ANKS1B: variants seen among roughly 807,000 people sequenced by gnomAD.
The protein encoded by ANKS1B is ankyrin repeat and sterile alpha motif domain-containing protein 1B.
Under a neutral mutation model 148.3 loss-of-function variants are expected in ANKS1B, and 36 were observed. The observed-to-expected ratio is 0.24, with a 90% CI of 0.19 to 0.32. ANKS1B has a LOEUF of 0.32. Ranked by LOEUF, ANKS1B falls within the 10% of genes least tolerant of loss-of-function variation. The pLI is 1.00. For missense variants in ANKS1B, 1,157 were observed against 1,542.6 expected, an observed-to-expected ratio of 0.75 and a Z score of 4.19; for synonymous variants, 542 against 560.8, an observed-to-expected ratio of 0.97 and a Z score of 0.47.
intron 12 of ANKS1B, among the ~76,000 whole-genome samples, chr12:99,288,879 A>G: frequency 6.6e-6 from 1 of 152,080 alleles, no homozygotes; most frequent in Non-Finnish European, 1.5e-5. Context: ...AAAACAAATA[A>G]CAAAATGGTG....
At chr12:99,403,032 A>G (rs2094445489) in intron 11 of ANKS1B, among the ~76,000 whole-genome samples, 1 of 144,252 alleles carries the variant, frequency 6.9e-6, no homozygotes, top group African/African-American at 2.6e-5. Flanking sequence ...TTGAAATGGT[A>G]TCTCATTGTG....
At chr12:98,880,907 C>A (rs180701449) in intron 17 of ANKS1B, among the ~76,000 whole-genome samples, 26 of 151,994 alleles carry the variant, frequency 1.7e-4, no homozygotes, top group African/African-American at 6.0e-4. Context: ...GAGAAAGACC[C>A]TAATGAAATC....
chr12:99,354,021 T>C (rs1319488539), intron 12 of ANKS1B, among the ~76,000 whole-genome samples: 2 of 152,084 alleles, frequency 1.3e-5, no homozygotes, highest in East Asian at 3.8e-4. Context: ...CTAAGCTTCT[T>C]ATTGGCACAC....
At chr12:98,809,745 G>A (rs2153622542) in intron 19 of ANKS1B, among the ~76,000 whole-genome samples, 1 of 152,256 alleles carries the variant, frequency 6.6e-6, no homozygotes, top group Admixed American at 6.5e-5. Flanking sequence ...CTCACCGACT[G>A]AACGGACCCC....
intron 22 of ANKS1B, among the ~76,000 whole-genome samples, chr12:98,784,193 T>G (rs1033663447): frequency 6.6e-6 from 1 of 152,076 alleles, no homozygotes. Flanking sequence ...GAAATGAGAA[T>G]CAGATCTGGA....
intron 11 of ANKS1B, among the ~76,000 whole-genome samples, chr12:99,405,040 A>T (rs906561027): frequency 1.4e-5 from 2 of 146,180 alleles, no homozygotes. Flanking sequence ...ATCCTAGAAT[A>T]GTATATCCAG....
chr12:98,965,161 T>C (rs1372669521), intron 17 of ANKS1B, among the ~76,000 whole-genome samples: 1 of 152,204 alleles, frequency 6.6e-6, no homozygotes, highest in African/African-American at 2.4e-5. Context: ...ATAATATTTA[T>C]TGAGAGCCAA....
intron 17 of ANKS1B, among the ~76,000 whole-genome samples, chr12:98,928,839 A>G (rs1248928642): frequency 6.6e-6 from 1 of 151,972 alleles, no homozygotes; most frequent in Middle Eastern, 3.2e-3. Flanking sequence ...GGCTAAAATA[A>G]TACTTAATGG....
chr12:99,465,041 A>G (rs1361037738), intron 10 of ANKS1B, among the ~76,000 whole-genome samples: 1 of 152,244 alleles, frequency 6.6e-6, no homozygotes, highest in Non-Finnish European at 1.5e-5. Flanking sequence ...GCAGCCAGAG[A>G]GAAAGGTCGG....
At chr12:99,488,733 T>C (rs562593287) in intron 10 of ANKS1B, among the ~76,000 whole-genome samples, 43 of 152,310 alleles carry the variant, frequency 2.8e-4, no homozygotes, top group Admixed American at 1.4e-3. Flanking sequence ...GCTATTCAAG[T>C]CCCACTTTCT....
At chr12:99,487,107 G>A (rs1788227861) in intron 10 of ANKS1B, among the ~76,000 whole-genome samples, 1 of 152,182 alleles carries the variant, frequency 6.6e-6, no homozygotes, top group Non-Finnish European at 1.5e-5. Context: ...TCTGCTGAAG[G>A]AAACTTCATA....
rs556627755 is a variant in ANKS1B, at chr12:99,901,050, A to G, written c.135-75661T>C. ...GAGCTGATAAGCTGATAAACAGCTA[A>G]CACACAAAATCACTAAATTTTTCTA... On this transcript the variant is annotated intron_variant, in intron 1 of 26. Coordinates refer to ENST00000683438, the MANE Select transcript of ANKS1B (RefSeq NM_001352186.2). Among the ~76,000 whole-genome samples the G allele has an allele frequency of 7.8e-4, 119 of 152,334 alleles. 1 individual carries two copies. In the South Asian group the frequency reaches 0.022, roughly 29 times the overall value.
chr12:99,454,686 G>A (rs1225101103), intron 10 of ANKS1B, among the ~76,000 whole-genome samples: 1 of 152,162 alleles, frequency 6.6e-6, no homozygotes, highest in Non-Finnish European at 1.5e-5. Context: ...ATATTAGTAG[G>A]AGAAATGTTT....
At chr12:99,259,060 C>G (rs960722247) in intron 12 of ANKS1B, among the ~76,000 whole-genome samples, 6 of 152,132 alleles carry the variant, frequency 3.9e-5, no homozygotes, top group African/African-American at 1.4e-4. Context: ...AACAGAGGAG[C>G]CCGTATGAGA....
chr12:99,610,062 TCCTA>T (rs934049754), intron 9 of ANKS1B, among the ~76,000 whole-genome samples: 1 of 151,990 alleles, frequency 6.6e-6, no homozygotes, highest in Non-Finnish European at 1.5e-5. Flanking sequence ...ATGACACCTT[TCCTA>T]CCTATCAAAA....
At chr12:99,425,635 GGTTAT>G (rs1707354518) in intron 11 of ANKS1B, among the ~76,000 whole-genome samples, 1 of 151,736 alleles carries the variant, frequency 6.6e-6, no homozygotes, top group African/African-American at 2.4e-5. Context: ...CTACTTCTTA[GGTTAT>G]GTTATAACTT....
chr12:99,707,213 T>G (rs1209639960), intron 8 of ANKS1B, among the ~76,000 whole-genome samples: 1 of 152,078 alleles, frequency 6.6e-6, no homozygotes. Flanking sequence ...TCTGACTGAT[T>G]GCCCAAGCCT....
At position 99,611,317 on chromosome 12, in the gene ANKS1B, C is replaced by T. The variant is rs192746228; in HGVS notation, c.1272+43750G>A. Among the ~76,000 whole-genome samples, 235 of 152,240 alleles carry T rather than the reference C, an allele frequency of 1.5e-3. 4 individuals are homozygous for T. The highest frequency in any genetic ancestry group is 2.1e-3 in the South Asian group (10 of 4,796). On this transcript the variant is annotated intron_variant, in intron 9 of 26. Transcript: ENST00000683438. ...AAATGAACCCAATCTCCCAATTCCA[C>T]GTTTCTTCCATGACTCATTCTTTAC...
At chr12:99,429,650 A>C (rs1474830931) in intron 11 of ANKS1B, among the ~76,000 whole-genome samples, 6 of 152,190 alleles carry the variant, frequency 3.9e-5, no homozygotes, top group Admixed American at 1.3e-4. Flanking sequence ...CTGGTTATAG[A>C]TAAATATCCT....
Sources: gnomAD v4.1 joint callset for allele counts (sites outside exome capture counted in the v4.1 genomes callset) on GRCh38, gnomAD v4.1.1 for gene constraint, MANE v1.5 for transcripts, NCBI Gene and HGNC (gene_info 2026-07-23, HGNC 2026-07-21) for gene names.